ENOX1: variants seen among roughly 807,000 people sequenced by gnomAD.
ENOX1 encodes ecto-NOX disulfide-thiol exchanger 1.
ENOX1 carries 42 observed loss-of-function variants against 82.5 expected under a neutral mutation model. That is an observed-to-expected ratio of 0.51 (90% CI 0.40 to 0.66). The LOEUF (loss-of-function observed/expected upper bound fraction) is 0.66. Among genes scored for constraint, ENOX1 ranks in the 30% least tolerant of loss-of-function variants. The pLI, the probability that ENOX1 is intolerant of heterozygous loss-of-function variation, is 0.00. For synonymous variants in ENOX1, 271 were observed against 282.2 expected (o/e 0.96, Z 0.40); for missense variants, 608 against 811.6 (o/e 0.75, Z 3.05).
chr13:43,594,656 C>T (rs2081384698), intron 2 of ENOX1, among the ~76,000 whole-genome samples: 1 of 152,104 alleles, frequency 6.6e-6, no homozygotes, highest in South Asian at 2.1e-4. Context: ...TTATTATCTC[C>T]ATTTTGTAAG....
At chr13:43,572,983 T>A (rs1219385564) in intron 2 of ENOX1, among the ~76,000 whole-genome samples, 1 of 152,242 alleles carries the variant, frequency 6.6e-6, no homozygotes, top group Non-Finnish European at 1.5e-5. Context: ...AAATTATGCA[T>A]TCTTCGATTC....
intron 3 of ENOX1, among the ~76,000 whole-genome samples, chr13:43,419,071 G>A (rs954855851): frequency 9.2e-5 from 14 of 152,042 alleles, no homozygotes; most frequent in East Asian, 3.9e-4. Context: ...CCAGCTACAC[G>A]GGAGGCTGAG....
chr13:43,445,393 G>A (rs2056596233), intron 3 of ENOX1, among the ~76,000 whole-genome samples: 1 of 152,052 alleles, frequency 6.6e-6, no homozygotes, highest in East Asian at 1.9e-4. Flanking sequence ...AAAGTGCTGG[G>A]ATTACAGGTG....
Position 43,359,904 on chromosome 13 carries a change from C to T in ENOX1, c.536G>A (p.Cys179Tyr). The stretch of plus-strand genomic sequence containing the variant: ...GAATTCCTCTGCAAAGCGAATGTGA[C>T]AAAAATTCTTCTTGCTTTTCCGAAT... ...TAIRKSKKNF[C>Y]HIRFAEEFMV... The change falls in exon 7 of 17, where the codon TGT (cysteine) becomes TAT (tyrosine). Residue 179 changes from cysteine to tyrosine, a missense_variant. By Grantham distance (194) the Cys-to-Tyr change is radical. Transcript: ENST00000690772. 1.2e-6 allele frequency: 2 copies of T among 1,614,158 alleles called. No homozygotes were observed. Among genetic ancestry groups the T allele is most frequent in the South Asian group, 1.1e-5 (1 of 91,076 alleles).
At chr13:43,308,256 G>A (rs1458222523) in intron 11 of ENOX1, among the ~76,000 whole-genome samples, 3 of 152,184 alleles carry the variant, frequency 2.0e-5, no homozygotes, top group Non-Finnish European at 2.9e-5. Flanking sequence ...GGTCTCACAC[G>A]CTCCACTTAA....
chr13:43,289,289 A>C (rs1188666705), intron 12 of ENOX1, among the ~76,000 whole-genome samples: 1 of 152,122 alleles, frequency 6.6e-6, no homozygotes, highest in Non-Finnish European at 1.5e-5. Context: ...GAACAAAGCC[A>C]GAAGCATCAC....
At chr13:43,548,360 G>T (rs946493902) in intron 2 of ENOX1, among the ~76,000 whole-genome samples, 1 of 152,186 alleles carries the variant, frequency 6.6e-6, no homozygotes, top group Non-Finnish European at 1.5e-5. Flanking sequence ...TAAAAACAGG[G>T]ATGTACTGGC....
chr13:43,473,389 A>G (rs1416171375), intron 3 of ENOX1, among the ~76,000 whole-genome samples: 1 of 152,162 alleles, frequency 6.6e-6, no homozygotes, highest in African/African-American at 2.4e-5. Flanking sequence ...AAAATTTAGG[A>G]TGGAATTTCT....
chr13:43,378,979 A>G (rs2051837438), intron 5 of ENOX1, among the ~76,000 whole-genome samples: 1 of 152,210 alleles, frequency 6.6e-6, no homozygotes, highest in South Asian at 2.1e-4. Flanking sequence ...GCAGAAGAGA[A>G]GGTTGGAGTA....
intron 2 of ENOX1, among the ~76,000 whole-genome samples, chr13:43,533,627 C>T (rs1473692227): frequency 1.3e-5 from 2 of 152,094 alleles, no homozygotes; most frequent in Non-Finnish European, 2.9e-5. Context: ...ATTACTTACA[C>T]TAATTAATTT....
chr13:43,316,870 C>G (rs1397233293), intron 11 of ENOX1, among the ~76,000 whole-genome samples: 1 of 152,154 alleles, frequency 6.6e-6, no homozygotes, highest in East Asian at 1.9e-4. Context: ...CTCAGCCCAC[C>G]TTGCAAGATT....
At chr13:43,566,067 TAAGAAATGC>T (rs1159054572) in intron 2 of ENOX1, among the ~76,000 whole-genome samples, 1 of 152,182 alleles carries the variant, frequency 6.6e-6, no homozygotes, top group Non-Finnish European at 1.5e-5. Flanking sequence ...AAAGGAAATT[TAAGAAATGC>T]ATGTTTTCCT....
At chr13:43,409,562 GA>G (rs1188893497) in intron 5 of ENOX1, among the ~76,000 whole-genome samples, 2 of 152,166 alleles carry the variant, frequency 1.3e-5, no homozygotes, top group Non-Finnish European at 2.9e-5. Context: ...CCATTTTATA[GA>G]AAAGGTAAGA....
intron 2 of ENOX1, among the ~76,000 whole-genome samples, chr13:43,519,513 A>T (rs979332091): frequency 6.6e-6 from 1 of 152,136 alleles, no homozygotes; most frequent in African/African-American, 2.4e-5. Context: ...AACCAAAATG[A>T]CTTTTCACAC....
intron 2 of ENOX1, among the ~76,000 whole-genome samples, chr13:43,593,492 A>AACAAAAC (rs140213874): frequency 0.068 from 8,572 of 125,376 alleles, 350 homozygotes; most frequent in Non-Finnish European, 0.087. Context: ...AACAAAACAA[A>AACAAAAC]GAAGCCCTTC....
chr13:43,715,386 G>A (rs1421740271), intron 1 of ENOX1, among the ~76,000 whole-genome samples: 1 of 151,636 alleles, frequency 6.6e-6, no homozygotes, highest in Non-Finnish European at 1.5e-5. Flanking sequence ...ACAATTATGT[G>A]TCTTGGAGTT....
At chr13:43,305,842 G>T (rs1255702961) in intron 11 of ENOX1, among the ~76,000 whole-genome samples, 1 of 152,208 alleles carries the variant, frequency 6.6e-6, no homozygotes, top group East Asian at 1.9e-4. Flanking sequence ...TGTCAGGTGA[G>T]GATGCCTTTA....
intron 5 of ENOX1, among the ~76,000 whole-genome samples, chr13:43,411,572 T>C (rs896583820): frequency 2.0e-5 from 3 of 152,202 alleles, no homozygotes; most frequent in African/African-American, 4.8e-5. Context: ...CTACCTATCA[T>C]AAAGGGAAGA....
chr13:43,502,553 C>T (rs958846975), intron 2 of ENOX1, among the ~76,000 whole-genome samples: 1 of 151,660 alleles, frequency 6.6e-6, no homozygotes, highest in Non-Finnish European at 1.5e-5. Flanking sequence ...GATGGCTCAA[C>T]ATATGAAAAT....
Sources: gnomAD v4.1 joint callset for allele counts (sites outside exome capture counted in the v4.1 genomes callset) on GRCh38, gnomAD v4.1.1 for gene constraint, MANE v1.5 for transcripts, NCBI Gene and HGNC (gene_info 2026-07-23, HGNC 2026-07-21) for gene names.